TTN: variants seen among roughly 807,000 people sequenced by gnomAD.
TTN encodes the protein titin.
Under a neutral mutation model 3,223.0 loss-of-function variants are expected in TTN, and 1,525 were observed. The ratio of observed to expected loss-of-function variants is 0.47; its 90% CI spans 0.45 to 0.49. TTN has a LOEUF of 0.49. TTN is among the 20% of genes least tolerant of loss of function. The pLI is 0.00. For synonymous variants in TTN, 14,094 were observed against 15,161.0 expected (o/e 0.93, Z 5.17); for missense variants, 40,786 against 43,424.0 (o/e 0.94, Z 5.40).
chr2:178,573,349 C>A lies in TTN; in HGVS notation c.72783G>T (p.Arg24261=), dbSNP rs1323328195. 1.3e-6 allele frequency: 2 copies of A among 1,537,218 alleles called. No homozygotes were observed. The highest frequency in any genetic ancestry group is 1.8e-6 in the Non-Finnish European group (2 of 1,142,690). Residue 24261 remains arginine, a synonymous_variant, in exon 326 of 363, where the codon CGG becomes CGT. Transcript: ENST00000589042. Reference sequence around the variant, plus strand: ...TCCAGCGTTGGCCAGCTTTATCACGCCGTTCCACAATATAATTGATGATTT... The same window carrying A: ...TCCAGCGTTGGCCAGCTTTATCACGACGTTCCACAATATAATTGATGATTT... ...GSEIINYIVE[R]RDKAGQRWIK... is the part of the protein sequence containing the mutation.
In TTN at chr2:178,641,889, G is replaced by A. The variant is rs964510748; in HGVS notation, c.40558+348C>T. On this transcript the variant is annotated intron_variant, in intron 219 of 362. Transcript: ENST00000589042. ...AACTGAATATTGAATTTAAGCTAAA[G>A]TAGTTTCATGTAAGGTATTTAATAG... Among the ~76,000 whole-genome samples, 18 of 151,830 alleles carry A rather than the reference G, an allele frequency of 1.2e-4. 1 individual carries two copies. Among genetic ancestry groups the A allele is most frequent in the Non-Finnish European group, 1.5e-5 (1 of 67,904 alleles).
intron 47 of TTN, among the ~76,000 whole-genome samples, chr2:178,742,498 A>G (rs1321002911): frequency 6.6e-6 from 1 of 152,180 alleles, no homozygotes; most frequent in African/African-American, 2.4e-5. Context: ...TCTTTCATCT[A>G]TGTAAATCAC....
chr2:178,567,485 T>A lies in TTN; in HGVS notation c.78647A>T (p.Asp26216Val). The A allele has an allele frequency of 6.2e-7, 1 of 1,613,146 alleles. No individual in the cohort carries two copies. Among genetic ancestry groups the A allele is most frequent in the Non-Finnish European group, 8.5e-7 (1 of 1,179,486 alleles). ...GGTAGGTAGGGGCTTTCCATGGACA[T>A]CAGCCTCAAGTCTGAATGTTTCTCC... ...NAGETFRLEA[D>V]VHGKPLPTIE... The change falls in exon 326 of 363, where the codon GAT becomes GTT. Residue 26216 changes from aspartate to valine, a missense_variant. Asp to Val is a radical substitution (Grantham distance 152). Transcript: ENST00000589042.
At chr2:178,762,949 C>T (rs915926370) in intron 43 of TTN, among the ~76,000 whole-genome samples, 54 of 152,202 alleles carry the variant, frequency 3.5e-4, no homozygotes, top group African/African-American at 1.3e-3. Context: ...TCACCATCTC[C>T]ATTCCTGAGG....
Position 178,709,598 on chromosome 2 carries a change from G to A in TTN, c.28721C>T (p.Ser9574Phe), listed in dbSNP as rs376276989. The A allele has an allele frequency of 1.2e-6, 2 of 1,613,716 alleles. No homozygotes were observed. The highest frequency in any genetic ancestry group is 1.7e-6 in the Non-Finnish European group (2 of 1,179,632). Residue 9574 changes from serine to phenylalanine, a missense_variant, in exon 99 of 363, where the codon TCT becomes TTT. By Grantham distance (155) the Ser-to-Phe change is radical. Coordinates refer to ENST00000589042, the MANE Select transcript of TTN (RefSeq NM_001267550.2). ...YTCKVSNDAG[S>F]ALCTSSIVIK... is the part of the protein sequence containing the mutation. Reference sequence around the variant, plus strand: ...GACGATTGAAGACGTGCACAGAGCAGAGCCTGCATCATTGGACACTTTGCA... The same window carrying A: ...GACGATTGAAGACGTGCACAGAGCAAAGCCTGCATCATTGGACACTTTGCA...
At position 178,756,645 on chromosome 2, in the gene TTN, G is replaced by T. The variant is rs768482298; in HGVS notation, c.10831C>A (p.Gln3611Lys). 4 of 1,613,672 alleles carry T rather than the reference G, an allele frequency of 2.5e-6. No individual in the cohort carries two copies. The African/African-American group carries it at 5.3e-5, about 22-fold the overall frequency. Residue 3611 changes from glutamine to lysine, a missense_variant, in exon 46 of 363, where the codon CAG (glutamine) becomes AAG (lysine). Gln to Lys is a moderately conservative substitution (Grantham distance 53). Transcript: ENST00000589042. ...CTTTGAGATACACTTTCAAAAACCT[G>T]CACTTCATATTCATATGATGATCCT... Reference protein sequence around the residue: ...FQGSSYEYEVQVFESVSQSSI... With the variant: ...FQGSSYEYEVKVFESVSQSSI...
intron 113 of TTN, 67 bp downstream of exon 113, chr2:178,697,054 T>C (rs2073869026): frequency 5.2e-6 from 7 of 1,353,308 alleles, no homozygotes; most frequent in Non-Finnish European, 7.2e-6. Context: ...ATATTTAAAA[T>C]AAGAATAGTT....
rs774671830 is a variant in TTN at position 178,568,391 on chromosome 2, G to C, written c.77741C>G (p.Pro25914Arg). The C allele has an allele frequency of 6.2e-7, 1 of 1,613,152 alleles. No homozygotes were observed. Residue 25914 changes from proline (P) to arginine (R), a missense_variant, in exon 326 of 363, where the codon CCT (proline) becomes CGT (arginine). Physicochemically the swap from Pro to Arg is moderately radical, Grantham distance 103. Transcript: ENST00000589042. ...SAESITLSWNPPLYTGGCQIT... is the reference protein window; with the variant it reads ...SAESITLSWNRPLYTGGCQIT... Reference sequence around the variant, plus strand: ...TTGGCAGCCCCCTGTATATAATGGAGGGTTCCAAGATAATGTAATACTTTC... The same window carrying C: ...TTGGCAGCCCCCTGTATATAATGGACGGTTCCAAGATAATGTAATACTTTC...
At position 178,629,403 on chromosome 2, in the gene TTN, G is replaced by T. The variant is rs573695669; in HGVS notation, c.44322C>A (p.Thr14774=). The T allele has an allele frequency of 1.9e-6, 3 of 1,612,960 alleles. No homozygotes were observed. Among genetic ancestry groups the T allele is most frequent in the Admixed American group, 3.3e-5 (2 of 59,986 alleles). ...IGLLRPLKDV[T]VTAGETATFD... ...AGGTGGCTGTTTCCCCTGCAGTCACGGTGACATCCTTTAAAGGCCTCAGAA... is the reference window on the plus strand; with the variant it reads ...AGGTGGCTGTTTCCCCTGCAGTCACTGTGACATCCTTTAAAGGCCTCAGAA... Residue 14774 remains threonine (T), a synonymous_variant, in exon 240 of 363, where the codon ACC becomes ACA. Transcript: ENST00000589042.
intron 344 of TTN, 82 bp downstream of exon 344, chr2:178,545,306 T>C: frequency 7.5e-7 from 1 of 1,337,190 alleles, no homozygotes; most frequent in Non-Finnish European, 9.9e-7. Flanking sequence ...ATTCTAAAAA[T>C]TCTTAGAGAT....
At position 178,800,005 on chromosome 2, in the gene TTN, T is replaced by G. The variant is rs1038486323; in HGVS notation, c.584-95A>C. On this transcript the variant is annotated intron_variant, in intron 4 of 362. Coordinates refer to ENST00000589042, the MANE Select transcript of TTN (RefSeq NM_001267550.2). ...TCTGACTACAAAGTCAAAAAGATTT[T>G]CTGGATATCCCAATGGAGAAAATTG... 2.9e-6 allele frequency: 4 copies of G among 1,365,784 alleles called. No individual in the cohort carries two copies. The African/African-American group carries it at 5.8e-5, about 20-fold the overall frequency. 84.6% of individuals were successfully genotyped at this position (1,365,784 alleles called of 1,614,324 possible). A position where few individuals can be genotyped will look rare whatever the true frequency, so the allele number is the denominator to read the frequency against.
intron 111 of TTN, 58 bp from the exon 112 acceptor site, chr2:178,698,972 A>G: frequency 7.0e-7 from 1 of 1,433,614 alleles, no homozygotes; most frequent in African/African-American, 1.4e-5. Context: ...AGTAACTAAA[A>G]TGCTTTCAGG....
intron 96 of TTN, 136 bp from the exon 97 acceptor site, chr2:178,711,485 G>C (rs1385897272): frequency 9.2e-7 from 1 of 1,084,304 alleles, no homozygotes; most frequent in African/African-American, 1.6e-5. Context: ...GAATTAACTT[G>C]GAGATAAAGA....
Position 178,620,343 on chromosome 2 carries a change from A to G in TTN, c.46178T>C (p.Phe15393Ser), listed in dbSNP as rs1157527811. Residue 15393 changes from phenylalanine (F) to serine (S), a missense_variant, in exon 248 of 363, where the codon TTT becomes TCT. Coordinates refer to ENST00000589042, the MANE Select transcript of TTN (RefSeq NM_001267550.2). ...ELLIIEAPTE[F>S]VEHLEDQTVT... ...TGTCTGATCTTCCAAGTGTTCCACAAATTCTGTCGGGGCTTCTATGATGAG... is the reference window on the plus strand; with the variant it reads ...TGTCTGATCTTCCAAGTGTTCCACAGATTCTGTCGGGGCTTCTATGATGAG... The G allele has an allele frequency of 1.2e-6, 2 of 1,601,004 alleles. No homozygotes were observed. Among genetic ancestry groups the G allele is most frequent in the Admixed American group, 1.7e-5 (1 of 59,030 alleles).
rs727505140 is a variant in TTN, at chr2:178,730,108, T to C, written c.18292A>G (p.Thr6098Ala). ...NDVGTATSKA[T>A]LFVKEPPQFI... ...GAGACCAGACCTTTTACAAAGAGAG[T>C]GGCTTTGCTGGTTGCTGTGCCAACA... Residue 6098 changes from threonine to alanine, a missense_variant, in exon 62 of 363, where the codon ACT becomes GCT. Coordinates refer to ENST00000589042, the MANE Select transcript of TTN (RefSeq NM_001267550.2). The C allele has an allele frequency of 1.9e-6, 3 of 1,603,128 alleles. No individual in the cohort carries two copies. The African/African-American group carries it at 4.2e-5, about 22-fold the overall frequency.
At chr2:178,758,524 A>T (rs1442841684) in intron 44 of TTN, among the ~76,000 whole-genome samples, 1 of 152,180 alleles carries the variant, frequency 6.6e-6, no homozygotes, top group Non-Finnish European at 1.5e-5. Flanking sequence ...TGAGAGGAGG[A>T]TGAATATAGC....
chr2:178,538,511 T>C (rs773208063), intron 354 of TTN, 29 bp downstream of exon 354: 2 of 1,574,882 alleles, frequency 1.3e-6, no homozygotes, highest in Non-Finnish European at 1.7e-6. Flanking sequence ...AGTTTGTAAA[T>C]CATAAGTAGA....
In TTN at chr2:178,667,713, C is replaced by A; in HGVS notation, c.35554G>T (p.Ala11852Ser). The change falls in exon 160 of 363, where the codon GCA becomes TCA. Residue 11852 changes from alanine (A) to serine (S), a missense_variant. Physicochemically the swap from Ala to Ser is moderately conservative, Grantham distance 99 (BLOSUM62 1). Coordinates refer to ENST00000589042, the MANE Select transcript of TTN (RefSeq NM_001267550.2). The stretch of plus-strand genomic sequence containing the variant: ...TCTTCTAGGACTGCTTCTTCAGATG[C>A]TTCATAAACTTTAAAGATATTAGTA... ...SEDTEMYIYEASEEAVLEEKV... is the reference protein window; with the variant it reads ...SEDTEMYIYESSEEAVLEEKV... 1.3e-6 allele frequency: 2 copies of A among 1,585,806 alleles called. No homozygotes were observed. The highest frequency in any genetic ancestry group is 1.7e-6 in the Non-Finnish European group (2 of 1,171,656).
rs775750677 is a variant in TTN, at chr2:178,584,300, A to G, written c.65251T>C (p.Tyr21751His). ...GSSPPSKPTE[Y>H]VTARMPVDPP... ...CCAACTGGCATTCTTGCAGTTACAT[A>G]TTCTGTGGGTTTGCTGGGTGGGCTG... Residue 21751 changes from tyrosine to histidine, a missense_variant, in exon 311 of 363, where the codon TAT becomes CAT. Physicochemically the swap from Tyr to His is moderately conservative, Grantham distance 83. Coordinates refer to ENST00000589042, the MANE Select transcript of TTN (RefSeq NM_001267550.2). 3.1e-6 allele frequency: 5 copies of G among 1,587,824 alleles called. No homozygotes were observed. Among genetic ancestry groups the G allele is most frequent in the Non-Finnish European group, 4.3e-6 (5 of 1,164,360 alleles).
Sources: gnomAD v4.1 joint callset for allele counts (sites outside exome capture counted in the v4.1 genomes callset) on GRCh38, gnomAD v4.1.1 for gene constraint, MANE v1.5 for transcripts, NCBI Gene and HGNC (gene_info 2026-07-23, HGNC 2026-07-21) for gene names.